Variants in SGCZ observed in about 807,000 individuals in gnomAD.
The protein encoded by SGCZ is zeta-sarcoglycan.
Under a neutral mutation model 41.3 loss-of-function variants are expected in SGCZ, and 40 were observed. That is an observed-to-expected ratio of 0.97 (90% CI 0.75 to 1.26). SGCZ has a LOEUF of 1.26. Ranked by LOEUF, SGCZ falls within the 50% of genes most tolerant of loss-of-function variation. The probability of loss-of-function intolerance (pLI) is 0.00; values close to 1 mark genes in which losing one functional copy is unlikely to be tolerated. For missense variants in SGCZ, 552 were observed against 369.8 expected, an observed-to-expected ratio of 1.49 and a Z score of -4.04; for synonymous variants, 206 against 137.5, an observed-to-expected ratio of 1.50 and a Z score of -3.49.
chr8:15,071,686 T>C (rs1805354257), intron 1 of SGCZ, among the ~76,000 whole-genome samples: 1 of 152,198 alleles, frequency 6.6e-6, no homozygotes, highest in Non-Finnish European at 1.5e-5. Flanking sequence ...GTAATTTTTG[T>C]TTGGGTACCA....
intron 2 of SGCZ, among the ~76,000 whole-genome samples, chr8:14,505,685 G>C (rs530286409): frequency 6.6e-6 from 1 of 152,230 alleles, no homozygotes; most frequent in Non-Finnish European, 1.5e-5. Flanking sequence ...GGACATGCCA[G>C]TTAACCACTG....
chr8:14,727,737 C>G (rs1392512854), intron 1 of SGCZ, among the ~76,000 whole-genome samples: 1 of 152,186 alleles, frequency 6.6e-6, no homozygotes, highest in South Asian at 2.1e-4. Context: ...TGGTCTCGAT[C>G]TCCTGACCTC....
At chr8:14,349,282 TC>T (rs1430677938) in intron 2 of SGCZ, among the ~76,000 whole-genome samples, 1 of 152,112 alleles carries the variant, frequency 6.6e-6, no homozygotes, top group African/African-American at 2.4e-5. Flanking sequence ...TTCTCCCAAC[TC>T]CTCACCTATA....
intron 3 of SGCZ, among the ~76,000 whole-genome samples, chr8:14,271,326 C>T (rs73664086): frequency 0.022 from 3,273 of 152,136 alleles, 125 homozygotes; most frequent in African/African-American, 0.07. Flanking sequence ...AGCCTAAAAA[C>T]TTTAGATGAG....
At chr8:14,740,580 G>A (rs1052471233) in intron 1 of SGCZ, among the ~76,000 whole-genome samples, 3 of 152,044 alleles carry the variant, frequency 2.0e-5, no homozygotes, top group South Asian at 4.2e-4. Context: ...TCTCAGTGTG[G>A]AACTGCACTA....
intron 5 of SGCZ, among the ~76,000 whole-genome samples, chr8:14,127,214 A>T (rs948341110): frequency 1.3e-5 from 2 of 152,166 alleles, no homozygotes; most frequent in African/African-American, 4.8e-5. Context: ...ATTGTCAGTG[A>T]GAAAGCATAG....
At chr8:15,223,840 A>G (rs946895880) in intron 1 of SGCZ, among the ~76,000 whole-genome samples, 5 of 150,164 alleles carry the variant, frequency 3.3e-5, no homozygotes, top group Non-Finnish European at 2.9e-5. Context: ...TGCCAGCGAA[A>G]AGCTCCTTTT....
chr8:14,659,580 G>C (rs17119951), intron 1 of SGCZ, among the ~76,000 whole-genome samples: 8 of 152,038 alleles, frequency 5.3e-5, no homozygotes, highest in Non-Finnish European at 8.8e-5. Flanking sequence ...GCTACCTTGA[G>C]AGCCCATTCC....
rs111933970 is a variant in SGCZ at position 14,390,743 on chromosome 8, T to C, written c.235-66539A>G. 1.2e-4 allele frequency among the ~76,000 whole-genome samples: 19 copies of C among 152,164 alleles called. 1 individual carries two copies. Among genetic ancestry groups the C allele is most frequent in the African/African-American group, 3.6e-4 (15 of 41,568 alleles). ...TGCTGACTTAATAATATTCTAAGTA[T>C]GCATAATTTTTCACAATTTCATTGG... On this transcript the variant is annotated intron_variant, in intron 2 of 7. Coordinates refer to ENST00000382080, the MANE Select transcript of SGCZ (RefSeq NM_139167.4).
intron 2 of SGCZ, among the ~76,000 whole-genome samples, chr8:14,350,479 G>A (rs185842290): frequency 1.3e-5 from 2 of 152,138 alleles, no homozygotes; most frequent in Admixed American, 6.6e-5. Flanking sequence ...GAGTGTTAGG[G>A]GCTGGTGATT....
chr8:15,228,748 G>C (rs1239817054), intron 1 of SGCZ, among the ~76,000 whole-genome samples: 1 of 152,132 alleles, frequency 6.6e-6, no homozygotes, highest in Non-Finnish European at 1.5e-5. Flanking sequence ...TTAAATATCA[G>C]TCTTTTACTT....
At chr8:14,413,012 G>T (rs1364214016) in intron 2 of SGCZ, among the ~76,000 whole-genome samples, 1 of 151,928 alleles carries the variant, frequency 6.6e-6, no homozygotes, top group Admixed American at 6.6e-5. Context: ...AAGGACAACA[G>T]TTAGATTTTG....
chr8:14,795,088 G>C (rs1563274385), intron 1 of SGCZ, among the ~76,000 whole-genome samples: 1 of 152,090 alleles, frequency 6.6e-6, no homozygotes, highest in Non-Finnish European at 1.5e-5. Context: ...CTAGATAAAG[G>C]AAACAGAAGA....
At chr8:14,505,190 C>T (rs1324979881) in intron 2 of SGCZ, among the ~76,000 whole-genome samples, 1 of 151,954 alleles carries the variant, frequency 6.6e-6, no homozygotes, top group Non-Finnish European at 1.5e-5. Context: ...TTTTTTTTCA[C>T]TGAGTTATTA....
At chr8:15,232,077 A>C (rs1585699913) in intron 1 of SGCZ, among the ~76,000 whole-genome samples, 1 of 152,216 alleles carries the variant, frequency 6.6e-6, no homozygotes, top group African/African-American at 2.4e-5. Context: ...AACAGTTACC[A>C]ATTTAAATGC....
chr8:14,567,998 A>G (rs1213888786), intron 1 of SGCZ, among the ~76,000 whole-genome samples: 1 of 152,212 alleles, frequency 6.6e-6, no homozygotes, highest in East Asian at 1.9e-4. Context: ...TATTGAAGTC[A>G]GTGAGACCAA....
chr8:14,285,911 T>A (rs2116930769), intron 3 of SGCZ, among the ~76,000 whole-genome samples: 1 of 152,244 alleles, frequency 6.6e-6, no homozygotes, highest in South Asian at 2.1e-4. Flanking sequence ...GGAGACATCC[T>A]ATGATTAGAA....
chr8:14,543,046 G>C (rs1803518418), intron 2 of SGCZ, among the ~76,000 whole-genome samples: 1 of 151,792 alleles, frequency 6.6e-6, no homozygotes, highest in East Asian at 1.9e-4. Context: ...GTGTTATATT[G>C]ACTGGTTTTA....
At chr8:14,484,537 G>A (rs1472107278) in intron 2 of SGCZ, among the ~76,000 whole-genome samples, 1 of 151,982 alleles carries the variant, frequency 6.6e-6, no homozygotes, top group African/African-American at 2.4e-5. Flanking sequence ...TACACACATA[G>A]AACAAATGTT....
Sources: allele counts gnomAD v4.1 joint callset (sites outside exome capture counted in the v4.1 genomes callset), GRCh38; gene constraint gnomAD v4.1.1; transcripts MANE v1.5; gene names NCBI Gene and HGNC (gene_info 2026-07-23, HGNC 2026-07-21).